Variants in PARD3B observed in about 807,000 individuals in gnomAD.
PARD3B encodes the protein partitioning defective 3 homolog B.
PARD3B carries 103 observed loss-of-function variants against 130.2 expected under a neutral mutation model. The observed-to-expected ratio is 0.79, with a 90% CI of 0.67 to 0.93. The LOEUF (loss-of-function observed/expected upper bound fraction) is 0.93, where lower values mean the gene tolerates loss of function less well. Among genes scored for constraint, PARD3B ranks in the 40% least tolerant of loss-of-function variants. PARD3B has a pLI of 0.00. For synonymous variants in PARD3B, 583 were observed against 553.2 expected (o/e 1.05, Z -0.76); for missense variants, 1,609 against 1,499.2 (o/e 1.07, Z -1.21).
At chr2:204,909,644 A>T (rs913760516) in intron 2 of PARD3B, among the ~76,000 whole-genome samples, 1 of 152,158 alleles carries the variant, frequency 6.6e-6, no homozygotes, top group Non-Finnish European at 1.5e-5. Flanking sequence ...TAATCATAGT[A>T]CCTACCAGTA....
intron 3 of PARD3B, among the ~76,000 whole-genome samples, chr2:205,038,195 A>G (rs932595358): frequency 2.6e-5 from 4 of 152,198 alleles, no homozygotes; most frequent in Non-Finnish European, 5.9e-5. Context: ...AGGTCCTTGA[A>G]TGCCAGAACA....
intron 15 of PARD3B, among the ~76,000 whole-genome samples, chr2:205,194,956 T>TGTTG (rs111451983): frequency 7.1e-6 from 1 of 139,964 alleles, no homozygotes; most frequent in South Asian, 2.3e-4. Flanking sequence ...GCTAATTTTT[T>TGTTG]TTTTTTTTTT....
intron 4 of PARD3B, among the ~76,000 whole-genome samples, chr2:205,088,387 AAAAT>A (rs908734039): frequency 6.6e-6 from 1 of 152,216 alleles, no homozygotes; most frequent in Admixed American, 6.5e-5. Flanking sequence ...GGACAGAAAG[AAAAT>A]AAATAGATTG....
chr2:204,942,251 G>T (rs950126625), intron 2 of PARD3B, among the ~76,000 whole-genome samples: 5 of 152,142 alleles, frequency 3.3e-5, no homozygotes, highest in African/African-American at 1.2e-4. Flanking sequence ...ACTAGCTCTG[G>T]AAATGTAACT....
chr2:204,809,611 T>C (rs1008435242), intron 2 of PARD3B, among the ~76,000 whole-genome samples: 1 of 152,166 alleles, frequency 6.6e-6, no homozygotes, highest in Non-Finnish European at 1.5e-5. Flanking sequence ...TGCCTGTTTT[T>C]GTACCAGTAC....
chr2:205,194,722 A>G (rs1336941019), intron 15 of PARD3B, among the ~76,000 whole-genome samples: 1 of 152,106 alleles, frequency 6.6e-6, no homozygotes, highest in Non-Finnish European at 1.5e-5. Flanking sequence ...TGAAACCTGT[A>G]AAAAATAAAA....
In PARD3B at chr2:205,292,102, C is replaced by T. The variant is rs147298092; in HGVS notation, c.2186-8428C>T. Among the ~76,000 whole-genome samples the T allele has an allele frequency of 5.0e-3, 762 of 152,212 alleles. 4 individuals carry two copies. The highest frequency in any genetic ancestry group is 0.018 in the African/African-American group (731 of 41,540). On this transcript the variant is annotated intron_variant, in intron 16 of 22. Transcript: ENST00000406610. The surrounding 1 kb of genome is among the most constrained non-coding windows in gnomAD (Gnocchi z 5.3). ...TGTAGTGTCAAATTGCTTGGACACCCCAGGTAGAGCTCCAGTGGGACCCAG... is the reference window on the plus strand; with the variant it reads ...TGTAGTGTCAAATTGCTTGGACACCTCAGGTAGAGCTCCAGTGGGACCCAG...
chr2:205,132,333 G>A (rs1335026114), intron 10 of PARD3B, among the ~76,000 whole-genome samples: 1 of 152,056 alleles, frequency 6.6e-6, no homozygotes, highest in African/African-American at 2.4e-5. Flanking sequence ...CTTGTTGCAG[G>A]AGAAAACAAT....
At chr2:205,477,891 A>G (rs543540483) in intron 20 of PARD3B, among the ~76,000 whole-genome samples, 64 of 146,474 alleles carry the variant, frequency 4.4e-4, no homozygotes, top group African/African-American at 1.7e-3. Flanking sequence ...CCTTGGCACA[A>G]AGGCCAACAC....
intron 4 of PARD3B, among the ~76,000 whole-genome samples, chr2:205,100,336 TATTTTA>T (rs1702684035): frequency 6.6e-6 from 1 of 152,140 alleles, no homozygotes; most frequent in African/African-American, 2.4e-5. Context: ...AAAGAATATT[TATTTTA>T]ATTAACTGTC....
intron 3 of PARD3B, among the ~76,000 whole-genome samples, chr2:205,006,601 G>A (rs1695285014): frequency 1.3e-5 from 2 of 152,042 alleles, no homozygotes; most frequent in Non-Finnish European, 2.9e-5. Flanking sequence ...TTGGCTGTTT[G>A]TATATCTTTT....
intron 4 of PARD3B, among the ~76,000 whole-genome samples, chr2:205,090,039 C>T (rs182795018): frequency 2.0e-5 from 3 of 152,288 alleles, no homozygotes; most frequent in Admixed American, 6.5e-5. Context: ...ACGGAGTACC[C>T]TCAGCTACAG....
chr2:205,469,827 A>G (rs546456220), intron 20 of PARD3B, among the ~76,000 whole-genome samples: 1 of 152,328 alleles, frequency 6.6e-6, no homozygotes, highest in South Asian at 2.1e-4. Context: ...AAAAAGCTTG[A>G]CCATTACTTG....
chr2:204,571,199 C>T (rs2031984106), intron 1 of PARD3B, among the ~76,000 whole-genome samples: 1 of 152,196 alleles, frequency 6.6e-6, no homozygotes, highest in African/African-American at 2.4e-5. Context: ...TTGGGAAAAA[C>T]ACTGAACTTG....
intron 3 of PARD3B, among the ~76,000 whole-genome samples, chr2:204,980,315 T>G: frequency 6.6e-6 from 1 of 152,174 alleles, no homozygotes; most frequent in South Asian, 2.1e-4. Flanking sequence ...ACATATAAAG[T>G]AAATTTGCAT....
intron 2 of PARD3B, among the ~76,000 whole-genome samples, chr2:204,867,570 A>C (rs79145148): frequency 0.045 from 6,811 of 152,262 alleles, 212 homozygotes; most frequent in Middle Eastern, 0.099. Flanking sequence ...ACTTGTTTGA[A>C]GGTCTTTAAA....
At chr2:204,567,019 C>T (rs1022242408) in intron 1 of PARD3B, among the ~76,000 whole-genome samples, 1 of 152,024 alleles carries the variant, frequency 6.6e-6, no homozygotes, top group Non-Finnish European at 1.5e-5. Flanking sequence ...GCTGGGATTA[C>T]AGGTGCCCAC....
intron 4 of PARD3B, 98 bp downstream of exon 4, chr2:205,047,788 T>C: frequency 2.6e-6 from 2 of 778,290 alleles, no homozygotes; most frequent in South Asian, 1.8e-5. Context: ...GATAACTAGA[T>C]AGAGATCTTT....
rs192635081 is a variant in PARD3B, at chr2:204,985,066, T to C, written c.394+19743T>C. Among the ~76,000 whole-genome samples, 15 of 152,258 alleles carry C rather than the reference T, an allele frequency of 9.9e-5. 1 individual carries two copies. In the East Asian group the frequency reaches 2.3e-3, roughly 24 times the overall value. Reference sequence around the variant, plus strand: ...GGCATTGCTACAAATTCAATGGTAATATTGTAGGCTACCAGGTTAGAGACC... The same window carrying C: ...GGCATTGCTACAAATTCAATGGTAACATTGTAGGCTACCAGGTTAGAGACC... On this transcript the variant is annotated intron_variant, in intron 3 of 22. Coordinates refer to ENST00000406610, the MANE Select transcript of PARD3B (RefSeq NM_001302769.2).
Sources: allele counts gnomAD v4.1 joint callset (sites outside exome capture counted in the v4.1 genomes callset), GRCh38; gene constraint gnomAD v4.1.1; non-coding constraint Gnocchi (gnomAD v3.1); transcripts MANE v1.5; gene names NCBI Gene and HGNC (gene_info 2026-07-23, HGNC 2026-07-21).